CTNNA3: variants seen among roughly 807,000 people sequenced by gnomAD.
CTNNA3 encodes catenin alpha 3.
CTNNA3 carries 76 observed loss-of-function variants against 95.7 expected under a neutral mutation model. The ratio of observed to expected loss-of-function variants is 0.79; its 90% CI spans 0.66 to 0.96. The LOEUF is 0.96. CTNNA3 is among the 40% of genes least tolerant of loss of function. CTNNA3 has a pLI of 0.00. For synonymous variants in CTNNA3, 431 were observed against 374.4 expected, an observed-to-expected ratio of 1.15 and a Z score of -1.74; for missense variants, 1,191 against 1,089.8, an observed-to-expected ratio of 1.09 and a Z score of -1.31.
At chr10:67,709,982 T>C (rs1841097988) in intron 1 of CTNNA3, among the ~76,000 whole-genome samples, 1 of 152,118 alleles carries the variant, frequency 6.6e-6, no homozygotes, top group Non-Finnish European at 1.5e-5. Context: ...AAATGCCAGG[T>C]GTGTCCCACA....
In CTNNA3 at chr10:66,009,505, T is replaced by G. The variant is rs547200602; in HGVS notation, c.2160-20708A>C. On this transcript the variant is annotated intron_variant, in intron 15 of 17. Transcript: ENST00000433211. ...ATTAAATCCTGGGAAGGCTACAATG[T>G]TTACGTTTTAGATAACAAATTTAAA... Among the ~76,000 whole-genome samples, 48 of 150,908 alleles carry G rather than the reference T, an allele frequency of 3.2e-4. No individual in the cohort carries two copies. The South Asian group carries it at 9.9e-3, about 31-fold the overall frequency.
At chr10:66,851,803 C>T (rs1329120301) in intron 7 of CTNNA3, among the ~76,000 whole-genome samples, 1 of 152,122 alleles carries the variant, frequency 6.6e-6, no homozygotes, top group East Asian at 1.9e-4. Context: ...CCAGTTAAAC[C>T]TCTTTTCTTT....
Position 66,927,687 on chromosome 10 carries a change from G to A in CTNNA3, c.1048-152163C>T. The A allele has an allele frequency of 6.2e-7, 1 of 1,614,042 alleles. No homozygotes were observed. The highest frequency in any genetic ancestry group is 8.5e-7 in the Non-Finnish European group (1 of 1,180,024). On this transcript the variant is annotated intron_variant, in intron 7 of 17. Coordinates refer to ENST00000433211, the MANE Select transcript of CTNNA3 (RefSeq NM_013266.4). The surrounding 1 kb of genome is among the most constrained non-coding windows in gnomAD (Gnocchi z 4.7). ...CCTGGACCTGGAGCTCCTTACAAAG[G>A]CTTGATTTATCAGGCAATGAGATCG...
intron 11 of CTNNA3, among the ~76,000 whole-genome samples, chr10:66,383,389 T>G (rs2456755): frequency 6.6e-6 from 1 of 151,742 alleles, no homozygotes; most frequent in East Asian, 1.9e-4. Flanking sequence ...GAAGACAAGG[T>G]TAGACAAAAA....
chr10:67,709,171 T>C (rs1841093648), intron 1 of CTNNA3, among the ~76,000 whole-genome samples: 1 of 152,220 alleles, frequency 6.6e-6, no homozygotes, highest in East Asian at 1.9e-4. Flanking sequence ...AGCATTTCAG[T>C]AGTGACATGA....
At chr10:67,375,424 G>A (rs1455777898) in intron 5 of CTNNA3, among the ~76,000 whole-genome samples, 5 of 152,094 alleles carry the variant, frequency 3.3e-5, no homozygotes, top group African/African-American at 1.2e-4. Flanking sequence ...TAGCCAACAT[G>A]GCGAAACCCT....
intron 13 of CTNNA3, among the ~76,000 whole-genome samples, chr10:66,116,169 G>T (rs1010992504): frequency 2.6e-5 from 4 of 152,206 alleles, no homozygotes; most frequent in African/African-American, 9.6e-5. Context: ...CATTGTATAA[G>T]ATGTAGTCAG....
intron 7 of CTNNA3, among the ~76,000 whole-genome samples, chr10:66,887,112 G>C (rs1845072122): frequency 6.6e-6 from 1 of 152,136 alleles, no homozygotes. Context: ...CACACCAGGA[G>C]AGCTGTCACA....
intron 13 of CTNNA3, among the ~76,000 whole-genome samples, chr10:66,135,990 C>CT (rs2083325322): frequency 6.6e-6 from 1 of 151,792 alleles, no homozygotes; most frequent in African/African-American, 2.4e-5. Context: ...CAAGCTCCAC[C>CT]TCCTGTGTTC....
At position 66,453,106 on chromosome 10, in the gene CTNNA3, G is replaced by T. The variant is rs377324883; in HGVS notation, c.1531+67511C>A. On this transcript the variant is annotated intron_variant, in intron 11 of 17. Transcript: ENST00000433211. ...GCGGCATGCACCTGTAGTCCCAGCT[G>T]CTTGGGAAGTATAGGCAGGAGAATC... Among the ~76,000 whole-genome samples the T allele has an allele frequency of 2.6e-5, 4 of 151,970 alleles. No homozygotes were observed. The East Asian group carries it at 7.8e-4, about 30-fold the overall frequency.
intron 7 of CTNNA3, among the ~76,000 whole-genome samples, chr10:66,804,277 T>C (rs918219720): frequency 6.6e-6 from 1 of 152,020 alleles, no homozygotes; most frequent in African/African-American, 2.4e-5. Context: ...GTTTTATATA[T>C]TGTTTTATTT....
At chr10:67,504,451 A>AAAAAAAAAAAACAAAAAAAAAC (rs1564699349) in intron 5 of CTNNA3, among the ~76,000 whole-genome samples, 46 of 143,548 alleles carry the variant, frequency 3.2e-4, no homozygotes, top group Non-Finnish European at 5.2e-4. Context: ...AAAAAAAAAA[A>AAAAAAAAAAAACAAAAAAAAAC]AAAAAAAAAC....
intron 13 of CTNNA3, among the ~76,000 whole-genome samples, chr10:66,174,332 A>C (rs2085594367): frequency 6.6e-6 from 1 of 152,000 alleles, no homozygotes; most frequent in South Asian, 2.1e-4. Flanking sequence ...ACTACTACCA[A>C]ATTTTTAATA....
rs1203988407 is a variant in CTNNA3, at chr10:66,333,443, G to A, written c.1732+45709C>T. On this transcript the variant is annotated intron_variant, in intron 12 of 17. Coordinates refer to ENST00000433211, the MANE Select transcript of CTNNA3 (RefSeq NM_013266.4). ...GGTATGTTGTGTCTTTGTTCTCGTT[G>A]GTTTCAAGGAATATCTTTATTTCTG... 1.3e-5 allele frequency among the ~76,000 whole-genome samples: 2 copies of A among 151,854 alleles called. 1 individual carries two copies. The highest frequency in any genetic ancestry group is 2.9e-5 in the Non-Finnish European group (2 of 67,922).
chr10:66,301,234 T>G (rs1450524049), intron 12 of CTNNA3, among the ~76,000 whole-genome samples: 2 of 151,996 alleles, frequency 1.3e-5, no homozygotes, highest in Non-Finnish European at 2.9e-5. Flanking sequence ...ACTGGTTAAT[T>G]CTACCAAACA....
chr10:66,472,542 T>C (rs1839174606), intron 11 of CTNNA3, among the ~76,000 whole-genome samples: 1 of 151,988 alleles, frequency 6.6e-6, no homozygotes, highest in Non-Finnish European at 1.5e-5. Flanking sequence ...TGCCAATATA[T>C]TTTTAAAGTT....
intron 7 of CTNNA3, among the ~76,000 whole-genome samples, chr10:66,955,763 G>A (rs1176477930): frequency 6.6e-6 from 1 of 152,086 alleles, no homozygotes; most frequent in South Asian, 2.1e-4. Flanking sequence ...TAGGTTACAA[G>A]AGTTTCTTCA....
chr10:67,252,503 A>G (rs1866151760), intron 5 of CTNNA3, among the ~76,000 whole-genome samples: 1 of 152,238 alleles, frequency 6.6e-6, no homozygotes, highest in Admixed American at 6.5e-5. Context: ...TAGAACAAGT[A>G]TAACAATGCA....
intron 1 of CTNNA3, among the ~76,000 whole-genome samples, chr10:67,707,478 C>T (rs1372373011): frequency 1.3e-5 from 2 of 152,164 alleles, no homozygotes; most frequent in Non-Finnish European, 2.9e-5. Flanking sequence ...GCTATTTACA[C>T]GTCTGGCTCA....
Sources: gnomAD v4.1 joint callset for allele counts (sites outside exome capture counted in the v4.1 genomes callset) on GRCh38, gnomAD v4.1.1 for gene constraint, Gnocchi (gnomAD v3.1) non-coding constraint, MANE v1.5 for transcripts, NCBI Gene and HGNC (gene_info 2026-07-23, HGNC 2026-07-21) for gene names.